DNAI7: variants seen among roughly 807,000 people sequenced by gnomAD.
DNAI7 encodes the protein dynein axonemal intermediate chain 7, also known as cancer susceptibility 1.
In DNAI7, 78 loss-of-function variants were observed where a neutral mutation model predicts 86.6. The ratio of observed to expected loss-of-function variants is 0.90; its 90% CI spans 0.75 to 1.09. The LOEUF is 1.09. Ranked by LOEUF, DNAI7 falls within the 50% of genes least tolerant of loss-of-function variation. DNAI7 has a pLI of 0.00. For synonymous variants in DNAI7, 274 were observed against 273.0 expected (o/e 1.00, Z -0.04); for missense variants, 753 against 810.2 (o/e 0.93, Z 0.86).
At chr12:25,195,039 C>T (rs1275487000) in intron 1 of DNAI7, 37 bp downstream of exon 1, 7 of 1,614,186 alleles carry the variant, frequency 4.3e-6, no homozygotes, top group Non-Finnish European at 5.1e-6. Flanking sequence ...AATCAGTGGT[C>T]GCCCCTCCAC....
chr12:25,168,983 C>T lies in DNAI7; in HGVS notation c.22-7786G>A, dbSNP rs538149183. Among the ~76,000 whole-genome samples, 4 of 152,264 alleles carry T rather than the reference C, an allele frequency of 2.6e-5. No homozygotes were observed. The South Asian group carries it at 8.3e-4, about 32-fold the overall frequency. ...TAGGTTCCCATGCTGCCCCTAATCC[C>T]GCTTGAAGCAGCCCTGAGAAACATC... On this transcript the variant is annotated intron_variant, in intron 2 of 15. Coordinates refer to ENST00000395987, the MANE Select transcript of DNAI7 (RefSeq NM_018272.5).
At chr12:25,125,322 T>G (rs1226728722) in intron 9 of DNAI7, among the ~76,000 whole-genome samples, 1 of 152,232 alleles carries the variant, frequency 6.6e-6, no homozygotes, top group African/African-American at 2.4e-5. Flanking sequence ...CTGACTGGTG[T>G]GAGATGATAT....
Position 25,154,364 on chromosome 12 carries a change from A to T in DNAI7, c.393T>A (p.Asn131Lys), listed in dbSNP as rs1945906252. 6.2e-7 allele frequency: 1 copy of T among 1,610,874 alleles called. No homozygotes were observed. The highest frequency in any genetic ancestry group is 8.5e-7 in the Non-Finnish European group (1 of 1,179,034). Residue 131 changes from asparagine to lysine, a missense_variant, in exon 6 of 16, where the codon AAT (asparagine) becomes AAA (lysine). By Grantham distance (94) the Asn-to-Lys change is moderately conservative. Transcript: ENST00000395987. ...TCTCAATCACTTCCTCAAAAGTCTC[A>T]TTTGTTTTCTCTTTCCACAAACTAA... ...TFISLWKEKT[N>K]ETFEEVIEKS...
intron 3 of DNAI7, among the ~76,000 whole-genome samples, chr12:25,160,522 C>A (rs180805804): frequency 6.6e-6 from 1 of 152,212 alleles, no homozygotes; most frequent in African/African-American, 2.4e-5. Flanking sequence ...CCGGCCAAAG[C>A]GCTCACCCCG....
At chr12:25,164,098 G>T (rs1048579745) in intron 2 of DNAI7, among the ~76,000 whole-genome samples, 3 of 152,106 alleles carry the variant, frequency 2.0e-5, no homozygotes, top group Non-Finnish European at 4.4e-5. Context: ...TTTCTGGAGG[G>T]CAAGAAACCC....
At chr12:25,113,694 T>A (rs543015254) in intron 13 of DNAI7, among the ~76,000 whole-genome samples, 1 of 152,316 alleles carries the variant, frequency 6.6e-6, no homozygotes, top group African/African-American at 2.4e-5. Flanking sequence ...AACAACTTTT[T>A]AAGATATATT....
intron 5 of DNAI7, 62 bp from the exon 6 acceptor site, chr12:25,154,518 T>G: frequency 6.5e-7 from 1 of 1,538,946 alleles, no homozygotes; most frequent in Non-Finnish European, 8.8e-7. Context: ...ATTAAATGAC[T>G]TCTTTTTTGA....
chr12:25,124,812 CTTCT>C (rs1372620106), intron 9 of DNAI7, among the ~76,000 whole-genome samples: 2 of 152,112 alleles, frequency 1.3e-5, no homozygotes, highest in African/African-American at 2.4e-5. Context: ...CTGCCATTCT[CTTCT>C]TTGTGTTCAT....
intron 9 of DNAI7, among the ~76,000 whole-genome samples, chr12:25,125,290 T>C (rs1021220437): frequency 6.6e-6 from 1 of 152,244 alleles, no homozygotes; most frequent in Admixed American, 6.5e-5. Flanking sequence ...TTTTATTTTT[T>C]GACTTTTTAG....
intron 9 of DNAI7, among the ~76,000 whole-genome samples, chr12:25,134,349 G>A (rs1049316448): frequency 1.1e-5 from 1 of 88,554 alleles, no homozygotes; most frequent in Non-Finnish European, 2.2e-5. Context: ...TTTCCTTGGC[G>A]TACTTTTTTT....
At chr12:25,120,317 G>GGAGGGAGAGAGAGA (rs1555156526) in intron 11 of DNAI7, among the ~76,000 whole-genome samples, 2 of 80,762 alleles carry the variant, frequency 2.5e-5, no homozygotes, top group South Asian at 5.0e-4. Context: ...GCAGGAAGAG[G>GGAGGGAGAGAGAGA]GAGAGAGAGA....
intron 9 of DNAI7, among the ~76,000 whole-genome samples, chr12:25,126,969 T>C (rs1942217776): frequency 6.6e-6 from 1 of 152,194 alleles, no homozygotes; most frequent in Non-Finnish European, 1.5e-5. Context: ...GTACTTCACC[T>C]CAGCATGCAA....
intron 9 of DNAI7, among the ~76,000 whole-genome samples, chr12:25,125,327 T>C (rs1941971096): frequency 6.6e-6 from 1 of 152,232 alleles, no homozygotes; most frequent in African/African-American, 2.4e-5. Context: ...TGGTGTGAGA[T>C]GATATCTCAT....
chr12:25,132,706 G>A (rs752801941), intron 9 of DNAI7, among the ~76,000 whole-genome samples: 1 of 150,344 alleles, frequency 6.7e-6, no homozygotes, highest in East Asian at 1.9e-4. Flanking sequence ...ATGTGAAGAC[G>A]CCTGCCTGCT....
downstream of DNAI7, chr12:25,107,743 G>GGTGGT: frequency 7.1e-7 from 1 of 1,414,932 alleles, no homozygotes; most frequent in Admixed American, 1.7e-5. Flanking sequence ...TCACCTGACT[G>GGTGGT]GTGGTGTTAG....
At chr12:25,174,075 T>G (rs928420392) in intron 2 of DNAI7, among the ~76,000 whole-genome samples, 2 of 148,772 alleles carry the variant, frequency 1.3e-5, no homozygotes, top group Non-Finnish European at 3.0e-5. Flanking sequence ...ATTGGCCATT[T>G]GTATATCTTC....
chr12:25,151,223 T>C (rs747243503), intron 6 of DNAI7, among the ~76,000 whole-genome samples: 1 of 152,182 alleles, frequency 6.6e-6, no homozygotes, highest in African/African-American at 2.4e-5. Context: ...AATTTCCTCA[T>C]TGGAAAAATG....
At chr12:25,192,826 T>C (rs779345888) in intron 1 of DNAI7, 3 of 99,022 alleles carry the variant, frequency 3.0e-5, no homozygotes, top group Non-Finnish European at 5.9e-5. Context: ...AGAGCGAAAC[T>C]CTGCCTCAAA....
chr12:25,173,885 C>T (rs1211836159), intron 2 of DNAI7, among the ~76,000 whole-genome samples: 1 of 115,852 alleles, frequency 8.6e-6, no homozygotes, highest in East Asian at 2.4e-4. Flanking sequence ...ATATACACAT[C>T]ATTCATATAT....
Sources: gnomAD v4.1 joint callset for allele counts (sites outside exome capture counted in the v4.1 genomes callset) on GRCh38, gnomAD v4.1.1 for gene constraint, MANE v1.5 for transcripts, NCBI Gene and HGNC (gene_info 2026-07-23, HGNC 2026-07-21) for gene names.